SINHCAF: variants seen among roughly 807,000 people sequenced by gnomAD.
SINHCAF encodes SIN3-HDAC complex associated factor.
SINHCAF carries 3 observed loss-of-function variants against 25.8 expected under a neutral mutation model. That is an observed-to-expected ratio of 0.12 (90% CI 0.05 to 0.30). SINHCAF has a LOEUF of 0.30. Among genes scored for constraint, SINHCAF ranks in the 10% least tolerant of loss-of-function variants. The pLI, the probability that SINHCAF is intolerant of heterozygous loss-of-function variation, is 1.00. For missense variants in SINHCAF, 121 were observed against 262.3 expected, an observed-to-expected ratio of 0.46 and a Z score of 3.72; for synonymous variants, 70 against 85.5, an observed-to-expected ratio of 0.82 and a Z score of 1.00.
chr12:31,305,696 ATTT>A (rs751436938), intron 1 of SINHCAF, among the ~76,000 whole-genome samples: 1,364 of 130,742 alleles, frequency 0.01, 8 homozygotes, highest in African/African-American at 0.022. Context: ...ATATAGGCCA[ATTT>A]TTTTTTTTTT....
At position 31,324,853 on chromosome 12, in the gene SINHCAF, G is replaced by T; in HGVS notation, c.-21+1171C>A. On this transcript the variant is annotated intron_variant, in intron 1 of 5. Coordinates refer to ENST00000337682, the MANE Select transcript of SINHCAF (RefSeq NM_001135812.2). This position sits in a 1 kb window ranked among gnomAD's most constrained non-coding sequence, Gnocchi z 5.5. ...TTTTGCAGTGTCCTTGATGAGAAAC[G>T]CCCGGAGTATCCGCCCCGCACGGGC... 2.4e-6 allele frequency: 1 copy of T among 412,880 alleles called. No individual in the cohort carries two copies. The highest frequency in any genetic ancestry group is 1.7e-5 in the South Asian group (1 of 58,130). 25.6% of individuals were successfully genotyped at this position (412,880 alleles called of 1,614,324 possible).
In SINHCAF at chr12:31,325,337, G is replaced by C. The variant is rs1293418825; in HGVS notation, c.-21+687C>G. 7.1e-6 allele frequency: 3 copies of C among 422,006 alleles called. No homozygotes were observed. The highest frequency in any genetic ancestry group is 1.4e-5 in the Non-Finnish European group (3 of 210,478). 26.1% of individuals were successfully genotyped at this position (422,006 alleles called of 1,614,324 possible). ...GGCTGTTTTTAAGCGACCGCGTGTT[G>C]CTCTCATTGTCGCATCCGCATCCCT... On this transcript the variant is annotated intron_variant, in intron 1 of 5. Transcript: ENST00000337682. This position sits in a 1 kb window ranked among gnomAD's most constrained non-coding sequence, Gnocchi z 5.9.
Position 31,324,792 on chromosome 12 carries a change from G to A in SINHCAF, c.-21+1232C>T. The A allele has an allele frequency of 1.4e-5, 5 of 360,618 alleles. 1 individual carries two copies. Among genetic ancestry groups the A allele is most frequent in the South Asian group, 1.0e-4 (5 of 49,378 alleles). The allele number at this position is 360,618 out of a possible 1,614,324, so 22.3% of individuals were successfully genotyped here. ...CGAAGAGTCCGGAGCCTGGCCCCCC[G>A]ACCCTCCCCTCGGGAGCAGGCCCAT... On this transcript the variant is annotated intron_variant, in intron 1 of 5. Transcript: ENST00000337682. The surrounding 1 kb of genome is among the most constrained non-coding windows in gnomAD (Gnocchi z 5.5).
chr12:31,293,341 T>C (rs974544038), intron 4 of SINHCAF, among the ~76,000 whole-genome samples: 3 of 152,210 alleles, frequency 2.0e-5, no homozygotes, highest in African/African-American at 7.2e-5. Flanking sequence ...CAACACACAC[T>C]GCCCCTTAAA....
chr12:31,296,237 C>T (rs1275371711), intron 2 of SINHCAF, among the ~76,000 whole-genome samples: 2 of 152,094 alleles, frequency 1.3e-5, no homozygotes, highest in Non-Finnish European at 2.9e-5. Context: ...GGGATTATGG[C>T]TCACTGCAGC....
chr12:31,282,674 A>ATTTT lies in SINHCAF; in HGVS notation c.*34_*37dup. On this transcript the variant is annotated 3_prime_UTR_variant, in exon 6 of 6. Transcript: ENST00000337682. ...CTTTGTGGTTTTTCAAAATTCAGAT[A>ATTTT]TTTTTTTTTTTGTTCCCCTTCTACA... 8.5e-7 allele frequency: 1 copy of ATTTT among 1,182,310 alleles called. No individual in the cohort carries two copies. Among genetic ancestry groups the ATTTT allele is most frequent in the Non-Finnish European group, 1.1e-6 (1 of 877,182 alleles). The allele number at this position is 1,182,310 out of a possible 1,614,324, so 73.2% of individuals were successfully genotyped here.
intron 1 of SINHCAF, among the ~76,000 whole-genome samples, chr12:31,315,494 CATCT>C (rs1282256235): frequency 1.3e-4 from 20 of 152,310 alleles, no homozygotes; most frequent in African/African-American, 4.8e-4. Context: ...CTTCTGACAC[CATCT>C]ATCATCATCT....
intron 1 of SINHCAF, among the ~76,000 whole-genome samples, chr12:31,317,461 T>C (rs949861462): frequency 2.6e-5 from 4 of 152,172 alleles, no homozygotes; most frequent in Admixed American, 2.6e-4. Flanking sequence ...AGTTGAACAG[T>C]AGTAATACAG....
chr12:31,323,059 T>C (rs1022956879), intron 1 of SINHCAF, among the ~76,000 whole-genome samples: 3 of 152,106 alleles, frequency 2.0e-5, no homozygotes. Context: ...AGCAGCTTCC[T>C]CCCCAGCCAG....
Position 31,324,022 on chromosome 12 carries a change from C to T in SINHCAF, c.-21+2002G>A, listed in dbSNP as rs908307650. 2.4e-5 allele frequency: 11 copies of T among 455,506 alleles called. No individual in the cohort carries two copies. Among genetic ancestry groups the T allele is most frequent in the Non-Finnish European group, 4.4e-5 (10 of 226,806 alleles). The allele number at this position is 455,506 out of a possible 1,614,324, so 28.2% of individuals were successfully genotyped here. Reference sequence around the variant, plus strand: ...GCCGAGCCAGCAAGTAAGAATGCTCCCTGGTGGATTTGTTGGTAAATAAGA... The same window carrying T: ...GCCGAGCCAGCAAGTAAGAATGCTCTCTGGTGGATTTGTTGGTAAATAAGA... On this transcript the variant is annotated intron_variant, in intron 1 of 5. Transcript: ENST00000337682. The surrounding 1 kb of genome is among the most constrained non-coding windows in gnomAD (Gnocchi z 5.5).
At chr12:31,284,545 A>C (rs936776518) in intron 5 of SINHCAF, among the ~76,000 whole-genome samples, 1 of 152,144 alleles carries the variant, frequency 6.6e-6, no homozygotes, top group Non-Finnish European at 1.5e-5. Context: ...GTACTCTGTC[A>C]TAAAAAAATC....
At chr12:31,307,089 TATC>T (rs532569428) in intron 1 of SINHCAF, among the ~76,000 whole-genome samples, 1,739 of 152,320 alleles carry the variant, frequency 0.011, 22 homozygotes, top group Admixed American at 0.03. Flanking sequence ...TGAGAGGTCT[TATC>T]AGAAGACTGG....
At chr12:31,311,599 CT>C (rs1189822328) in intron 1 of SINHCAF, 1 of 351,154 alleles carries the variant, frequency 2.8e-6, no homozygotes, top group African/African-American at 2.1e-5. Flanking sequence ...CCGCAGCCCC[CT>C]GGACCCAGGG....
At chr12:31,311,698 G>T in intron 1 of SINHCAF, 1 of 494,058 alleles carries the variant, frequency 2.0e-6, no homozygotes, top group Non-Finnish European at 4.0e-6. Flanking sequence ...TGCAAGCATT[G>T]AGAAAAATGG....
chr12:31,303,021 T>C, intron 1 of SINHCAF: 10 of 985,166 alleles, frequency 1.0e-5, no homozygotes, highest in Non-Finnish European at 1.2e-5. Flanking sequence ...TCTGTCTATC[T>C]ACAATATGTT....
Position 31,287,790 on chromosome 12 carries a change from A to G in SINHCAF, c.356-6T>C, listed in dbSNP as rs1938140235. 4 of 1,572,386 alleles carry G rather than the reference A, an allele frequency of 2.5e-6. No homozygotes were observed. Among genetic ancestry groups the G allele is most frequent in the African/African-American group, 2.7e-5 (2 of 73,922 alleles). On this transcript the variant is annotated splice_region_variant and splice_polypyrimidine_tract_variant and intron_variant, in intron 4 of 5. Coordinates refer to ENST00000337682, the MANE Select transcript of SINHCAF (RefSeq NM_001135812.2). ...GGTACTGTGAGCATCAGAATCTGCAATAAAGATTAAGAGAAAAAATAAAAT... is the reference window on the plus strand; with the variant it reads ...GGTACTGTGAGCATCAGAATCTGCAGTAAAGATTAAGAGAAAAAATAAAAT...
chr12:31,293,162 T>C (rs568345197), intron 4 of SINHCAF, among the ~76,000 whole-genome samples: 24 of 152,326 alleles, frequency 1.6e-4, no homozygotes, highest in African/African-American at 4.3e-4. Context: ...CCAAGGGTAA[T>C]AGAGATATTT....
intron 1 of SINHCAF, among the ~76,000 whole-genome samples, chr12:31,314,452 G>A (rs1198626306): frequency 6.6e-6 from 1 of 152,098 alleles, no homozygotes; most frequent in Non-Finnish European, 1.5e-5. Context: ...CGCGAACCCG[G>A]GAGGCGGAGT....
rs368768965 is a variant in SINHCAF, at chr12:31,282,566, G to T, written c.*146C>A. 505 of 585,826 alleles carry T rather than the reference G, an allele frequency of 8.6e-4. 3 individuals carry two copies. The African/African-American group carries it at 9.0e-3, about 10-fold the overall frequency. 36.3% of individuals were successfully genotyped at this position (585,826 alleles called of 1,614,324 possible). A position where few individuals can be genotyped will look rare whatever the true frequency, so the allele number is the denominator to read the frequency against. Reference sequence around the variant, plus strand: ...GAACCCGGGAGACGGAAGTTGCAGTGAGCCAAGATCACGCCACTGCACTCC... The same window carrying T: ...GAACCCGGGAGACGGAAGTTGCAGTTAGCCAAGATCACGCCACTGCACTCC... On this transcript the variant is annotated 3_prime_UTR_variant, in exon 6 of 6. Transcript: ENST00000337682.
Sources: gnomAD v4.1 joint callset for allele counts (sites outside exome capture counted in the v4.1 genomes callset) on GRCh38, gnomAD v4.1.1 for gene constraint, Gnocchi (gnomAD v3.1) non-coding constraint, MANE v1.5 for transcripts, NCBI Gene and HGNC (gene_info 2026-07-23, HGNC 2026-07-21) for gene names.